Variants in ST7L observed in about 807,000 individuals in gnomAD.
ST7L encodes suppressor of tumorigenicity 7 protein-like.
ST7L carries 57 observed loss-of-function variants against 72.5 expected under a neutral mutation model. The ratio of observed to expected loss-of-function variants is 0.79; its 90% CI spans 0.64 to 0.98. The LOEUF is 0.98. ST7L is among the 50% of genes least tolerant of loss of function. The probability of loss-of-function intolerance (pLI) is 0.00; values close to 1 mark genes in which losing one functional copy is unlikely to be tolerated. For synonymous variants in ST7L, 221 were observed against 240.9 expected, an observed-to-expected ratio of 0.92 and a Z score of 0.77; for missense variants, 576 against 672.2, an observed-to-expected ratio of 0.86 and a Z score of 1.58.
Position 112,526,030 on chromosome 1 carries a change from C to A in ST7L, c.1711G>T (p.Gly571Cys), listed in dbSNP as rs115591231. 264 of 1,614,172 alleles carry A rather than the reference C, an allele frequency of 1.6e-4. 1 individual carries two copies. In the East Asian group the frequency reaches 5.4e-3, roughly 33 times the overall value. Residue 571 changes from glycine (G) to cysteine (C), a missense_variant, in exon 15 of 15, where the codon GGT (glycine) becomes TGT (cysteine). Physicochemically the swap from Gly to Cys is radical, Grantham distance 159. Coordinates refer to ENST00000358039, the MANE Select transcript of ST7L (RefSeq NM_017744.5). ...TGCGTGGCTCAGCCAGAACTCAAACCTAGGTCTTCTGACTTCAAATCCTGT... is the reference window on the plus strand; with the variant it reads ...TGCGTGGCTCAGCCAGAACTCAAACATAGGTCTTCTGACTTCAAATCCTGT... ...NTQDLKSEDLGLSSG is the reference protein window; with the variant it reads ...NTQDLKSEDLCLSSG
At chr1:112,598,330 G>A (rs550058978) in intron 4 of ST7L, among the ~76,000 whole-genome samples, 6 of 152,128 alleles carry the variant, frequency 3.9e-5, no homozygotes, top group Admixed American at 6.6e-5. Flanking sequence ...GCCGGGTGCC[G>A]TGGCTCATGC....
At chr1:112,571,569 G>A (rs139386750) in intron 11 of ST7L, among the ~76,000 whole-genome samples, 3,070 of 152,220 alleles carry the variant, frequency 0.02, 107 homozygotes, top group African/African-American at 0.069. Flanking sequence ...TGGGGTTACA[G>A]GCATGTGCCA....
intron 11 of ST7L, among the ~76,000 whole-genome samples, chr1:112,569,277 T>G (rs1319872423): frequency 6.6e-6 from 1 of 152,184 alleles, no homozygotes; most frequent in Non-Finnish European, 1.5e-5. Context: ...TGAATGTTCA[T>G]AACAGCATTA....
intron 11 of ST7L, among the ~76,000 whole-genome samples, chr1:112,570,145 C>T (rs1661827012): frequency 6.6e-6 from 1 of 151,572 alleles, no homozygotes; most frequent in African/African-American, 2.4e-5. Context: ...TGTTTGGCAA[C>T]TAAAAAAAAA....
At chr1:112,565,730 A>C (rs921247412) in intron 11 of ST7L, among the ~76,000 whole-genome samples, 1 of 152,144 alleles carries the variant, frequency 6.6e-6, no homozygotes, top group African/African-American at 2.4e-5. Flanking sequence ...AACTCAAAGA[A>C]GATGGGCCAG....
At position 112,525,659 on chromosome 1, in the gene ST7L, T is replaced by C. The variant is rs115875134; in HGVS notation, c.*354A>G. ...TTTGCTCACTTCCATTCTATGAGTA[T>C]ATCGATGGAGCAGCTGGACATTAGA... is the stretch of plus-strand genomic sequence containing the variant. On this transcript the variant is annotated 3_prime_UTR_variant, in exon 15 of 15. Coordinates refer to ENST00000358039, the MANE Select transcript of ST7L (RefSeq NM_017744.5). 1,272 of 182,808 alleles carry C rather than the reference T, an allele frequency of 7.0e-3. 9 individuals carry two copies. Among genetic ancestry groups the C allele is most frequent in the Non-Finnish European group, 0.011 (937 of 86,548 alleles). The allele number at this position is 182,808 out of a possible 1,614,324, so 11.3% of individuals were successfully genotyped here.
At chr1:112,587,513 GA>G (rs1450328519) in intron 6 of ST7L, among the ~76,000 whole-genome samples, 1 of 152,206 alleles carries the variant, frequency 6.6e-6, no homozygotes, top group East Asian at 1.9e-4. Flanking sequence ...TGAGGCAGAA[GA>G]ATCACTTGAA....
At position 112,610,857 on chromosome 1, in the gene ST7L, G is replaced by T. The variant is rs780182946; in HGVS notation, c.435C>A (p.Ser145Arg). ...AGTAGTCACCTGACAAATTCTGTCT[G>T]CTGGTTTCATTTTCTCTGTTCCTCG... Reference protein sequence around the residue: ...SPSRNRENETSRQNLSECKVW... With the variant: ...SPSRNRENETRRQNLSECKVW... The change falls in exon 3 of 15, where the codon AGC (serine) becomes AGA (arginine). Residue 145 changes from serine (S) to arginine (R), a missense_variant. Physicochemically the swap from Ser to Arg is moderately radical, Grantham distance 110 (BLOSUM62 -1). Around this residue, in one of 3 missense-constraint regions of ST7L, gnomAD observed 511 missense variants for 600.7 expected, o/e 0.85. Transcript: ENST00000358039. 6.2e-7 allele frequency: 1 copy of T among 1,613,900 alleles called. No individual in the cohort carries two copies. Among genetic ancestry groups the T allele is most frequent in the South Asian group, 1.1e-5 (1 of 91,024 alleles).
Position 112,535,378 on chromosome 1 carries a change from A to C in ST7L, c.1629+6573T>G, listed in dbSNP as rs773089991. Among the ~76,000 whole-genome samples, 15 of 149,916 alleles carry C rather than the reference A, an allele frequency of 1.0e-4. No individual in the cohort carries two copies. The East Asian group carries it at 1.2e-3, about 12-fold the overall frequency. ...CAGAGGCAGACTCTGTCTCCAAATA[A>C]TAATACTAATAATAATAAGAAGAAG... On this transcript the variant is annotated intron_variant, in intron 14 of 14. Transcript: ENST00000358039.
chr1:112,571,107 T>C (rs958630313), intron 11 of ST7L, among the ~76,000 whole-genome samples: 2 of 152,044 alleles, frequency 1.3e-5, no homozygotes, highest in African/African-American at 4.8e-5. Context: ...GAGGTGAAGG[T>C]TGCAGTGAGC....
intron 3 of ST7L, among the ~76,000 whole-genome samples, chr1:112,606,612 C>A (rs549899268): frequency 3.3e-5 from 5 of 152,278 alleles, no homozygotes; most frequent in African/African-American, 1.2e-4. Context: ...ACAGTGGCAC[C>A]CCACTTCTTC....
downstream of ST7L, among the ~76,000 whole-genome samples, chr1:112,518,949 T>C (rs1652711840): frequency 6.6e-6 from 1 of 152,242 alleles, no homozygotes; most frequent in African/African-American, 2.4e-5. Flanking sequence ...ACTTGGAATA[T>C]AACTAGTGTG....
intron 11 of ST7L, among the ~76,000 whole-genome samples, chr1:112,571,090 A>G (rs988937935): frequency 6.6e-6 from 1 of 152,116 alleles, no homozygotes; most frequent in Non-Finnish European, 1.5e-5. Context: ...GAATCGCTTG[A>G]ACCCGGGAGG....
At chr1:112,572,122 A>G (rs1000700133) in intron 11 of ST7L, among the ~76,000 whole-genome samples, 5 of 152,210 alleles carry the variant, frequency 3.3e-5, no homozygotes, top group Non-Finnish European at 7.3e-5. Flanking sequence ...AAAAAGAATC[A>G]TGTCTCAGCA....
chr1:112,598,076 C>T lies in ST7L; in HGVS notation c.517G>A (p.Val173Met), dbSNP rs755100990. 1.2e-6 allele frequency: 2 copies of T among 1,611,404 alleles called. No homozygotes were observed. Among genetic ancestry groups the T allele is most frequent in the Non-Finnish European group, 1.7e-6 (2 of 1,178,790 alleles). Reference sequence around the variant, plus strand: ...TATGTAAGTGGCTCTTTACCAGTCACCCAAGTGTATCTTTACCAAAACACA... The same window carrying T: ...TATGTAAGTGGCTCTTTACCAGTCATCCAAGTGTATCTTTACCAAAACACA... Reference protein sequence around the residue: ...RGAEYRRYTWVTGKEPLTYYD... With the variant: ...RGAEYRRYTWMTGKEPLTYYD... The change falls in exon 5 of 15, where the codon GTG (valine) becomes ATG (methionine). Residue 173 changes from valine to methionine, a missense_variant. Val to Met is a conservative substitution (Grantham distance 21). This residue lies in a region of ST7L where 511 missense variants were observed against 600.7 expected (regional missense o/e 0.85). Coordinates refer to ENST00000358039, the MANE Select transcript of ST7L (RefSeq NM_017744.5).
intron 13 of ST7L, among the ~76,000 whole-genome samples, chr1:112,547,265 T>G (rs569140154): frequency 6.6e-6 from 1 of 150,384 alleles, no homozygotes; most frequent in African/African-American, 2.4e-5. Flanking sequence ...CGATCTCGGC[T>G]CACTGCAACC....
chr1:112,591,143 G>A (rs1665657584), intron 6 of ST7L, among the ~76,000 whole-genome samples: 1 of 152,088 alleles, frequency 6.6e-6, no homozygotes, highest in East Asian at 1.9e-4. Context: ...GTGTTAGCCA[G>A]GGTGGTCTCG....
At chr1:112,600,643 C>A in intron 4 of ST7L, 151 bp downstream of exon 4, 1 of 682,528 alleles carries the variant, frequency 1.5e-6, no homozygotes, top group Non-Finnish European at 2.5e-6. Context: ...GAAGATGCTG[C>A]CAAATAAACT....
At chr1:112,551,821 A>G (rs1338632038) in intron 12 of ST7L, among the ~76,000 whole-genome samples, 1 of 152,212 alleles carries the variant, frequency 6.6e-6, no homozygotes, top group African/African-American at 2.4e-5. Flanking sequence ...AATGTCATAT[A>G]ATAAAACCAA....
Sources: gnomAD v4.1 joint callset for allele counts (sites outside exome capture counted in the v4.1 genomes callset) on GRCh38, gnomAD v4.1.1 for gene constraint, gnomAD v4.1.1 regional missense constraint, MANE v1.5 for transcripts, NCBI Gene and HGNC (gene_info 2026-07-23, HGNC 2026-07-21) for gene names.